RAB36: variants seen among roughly 807,000 people sequenced by gnomAD.
RAB36 encodes ras-related protein Rab-36.
Under a neutral mutation model 39.3 loss-of-function variants are expected in RAB36, and 33 were observed. The ratio of observed to expected loss-of-function variants is 0.84; its 90% CI spans 0.64 to 1.12. The LOEUF is 1.12. RAB36 is among the 50% of genes most tolerant of loss of function. The pLI is 0.00. For synonymous variants in RAB36, 133 were observed against 140.2 expected, an observed-to-expected ratio of 0.95 and a Z score of 0.36; for missense variants, 308 against 355.3, an observed-to-expected ratio of 0.87 and a Z score of 1.07.
chr22:23,156,158 AAC>A (rs534318927), intron 6 of RAB36, 126 bp downstream of exon 6: 198 of 790,624 alleles, frequency 2.5e-4, no homozygotes, highest in Non-Finnish European at 3.3e-4. Context: ...CCACTGAGAA[AAC>A]ACCAGGCCAC....
chr22:23,147,477 T>C (rs1220921660), intron 2 of RAB36, among the ~76,000 whole-genome samples: 1 of 152,066 alleles, frequency 6.6e-6, no homozygotes, highest in Non-Finnish European at 1.5e-5. Context: ...ACCACAGGCA[T>C]GTGCTACCAT....
intron 3 of RAB36, among the ~76,000 whole-genome samples, chr22:23,152,100 G>A (rs16998059): frequency 0.013 from 1,957 of 152,308 alleles, 32 homozygotes; most frequent in African/African-American, 0.044. Flanking sequence ...CACAGCTCCC[G>A]GACAGCACAG....
chr22:23,152,396 G>T (rs1235576788), intron 3 of RAB36, 65 bp from the exon 4 acceptor site: 2 of 1,531,970 alleles, frequency 1.3e-6, no homozygotes, highest in African/African-American at 2.7e-5. Context: ...GAAGGAAGGG[G>T]CTGTGAGTGT....
chr22:23,152,773 C>T (rs952042593), intron 4 of RAB36, among the ~76,000 whole-genome samples: 1 of 152,190 alleles, frequency 6.6e-6, no homozygotes, highest in Non-Finnish European at 1.5e-5. Context: ...GCCACGGGCT[C>T]TCCCCTCCAC....
Position 23,158,879 on chromosome 22 carries a change from C to T in RAB36, c.447-19C>T. 6.2e-7 allele frequency: 1 copy of T among 1,610,852 alleles called. No homozygotes were observed. On this transcript the variant is annotated intron_variant, in intron 7 of 10. Coordinates refer to ENST00000263116, the MANE Select transcript of RAB36 (RefSeq NM_004914.5). ...TGGGAGGATGGGTGAATCTCTCAGCCTCTCTCCTTACACTCCAGGCAGTGG... is the reference window on the plus strand; with the variant it reads ...TGGGAGGATGGGTGAATCTCTCAGCTTCTCTCCTTACACTCCAGGCAGTGG...
chr22:23,157,165 C>G (rs559198178), intron 6 of RAB36, among the ~76,000 whole-genome samples: 38 of 152,278 alleles, frequency 2.5e-4, no homozygotes, highest in Middle Eastern at 3.4e-3. Flanking sequence ...CCTGGCTCCC[C>G]GGAAGTTGTT....
chr22:23,153,010 G>C (rs1294022893), intron 4 of RAB36, 23 bp from the exon 5 acceptor site: 1 of 1,573,034 alleles, frequency 6.4e-7, no homozygotes, highest in African/African-American at 1.4e-5. Context: ...ACACCCCTGT[G>C]ACGACTTCCT....
intron 9 of RAB36, among the ~76,000 whole-genome samples, chr22:23,159,845 C>A (rs1192384400): frequency 6.6e-6 from 1 of 152,248 alleles, no homozygotes; most frequent in Non-Finnish European, 1.5e-5. Context: ...GGGTCCCCAG[C>A]CCAAGGCAAG....
chr22:23,157,968 T>G (rs1338823132), intron 6 of RAB36, 24 bp from the exon 7 acceptor site: 1 of 1,614,146 alleles, frequency 6.2e-7, no homozygotes. Context: ...ACTGATTGGC[T>G]GTTGGCTTTT....
At chr22:23,161,389 C>A in intron 10 of RAB36, 111 bp from the exon 11 acceptor site, 1 of 995,204 alleles carries the variant, frequency 1.0e-6, no homozygotes, top group Non-Finnish European at 1.5e-6. Flanking sequence ...CCTTGAACAG[C>A]AGGCCCAGAA....
intron 6 of RAB36, among the ~76,000 whole-genome samples, chr22:23,157,099 C>T (rs1445265576): frequency 1.3e-5 from 2 of 152,272 alleles, no homozygotes; most frequent in African/African-American, 4.8e-5. Context: ...GACCGGGGTG[C>T]GGCCAGTGAT....
rs1001265058 is a variant in RAB36 at position 23,164,407 on chromosome 22, A to T, written c.*2843A>T. The T allele has an allele frequency of 6.6e-6, 1 of 152,176 alleles. No homozygotes were observed. The highest frequency in any genetic ancestry group is 1.5e-5 in the Non-Finnish European group (1 of 68,038). 9.4% of individuals were successfully genotyped at this position (152,176 alleles called of 1,614,324 possible). ...GACTGACATAGTTGTGGCCTCTCGA[A>T]CTTTGATATTTGGCCTGGGAGGACA... On this transcript the variant is annotated 3_prime_UTR_variant, in exon 11 of 11. Coordinates refer to ENST00000263116, the MANE Select transcript of RAB36 (RefSeq NM_004914.5).
chr22:23,146,357 C>T (rs2070769299), intron 1 of RAB36, among the ~76,000 whole-genome samples: 1 of 151,498 alleles, frequency 6.6e-6, no homozygotes, highest in Admixed American at 6.6e-5. Flanking sequence ...CAGGCACAGG[C>T]CACCATGCCC....
chr22:23,145,416 A>G, upstream of RAB36: 1 of 1,610,436 alleles, frequency 6.2e-7, no homozygotes, highest in Non-Finnish European at 8.5e-7. Context: ...CTGCCAGTCC[A>G]ACGCAGACCC....
chr22:23,168,292 G>A (rs766846012), downstream of RAB36, among the ~76,000 whole-genome samples: 16 of 152,176 alleles, frequency 1.1e-4, no homozygotes, highest in Non-Finnish European at 1.9e-4. Flanking sequence ...CTGGGCCCCC[G>A]GGGATGCTGA....
intron 6 of RAB36, among the ~76,000 whole-genome samples, chr22:23,157,725 A>C (rs1257541832): frequency 6.6e-6 from 1 of 152,188 alleles, no homozygotes. Context: ...TCTGACGCTA[A>C]AGCCCATGCG....
downstream of RAB36, among the ~76,000 whole-genome samples, chr22:23,168,934 C>T (rs1188195316): frequency 6.6e-6 from 1 of 152,208 alleles, no homozygotes; most frequent in Non-Finnish European, 1.5e-5. Flanking sequence ...CACTAGGCCT[C>T]TGCTCACTGG....
At chr22:23,147,049 A>G (rs2070816759) in intron 2 of RAB36, among the ~76,000 whole-genome samples, 1 of 152,192 alleles carries the variant, frequency 6.6e-6, no homozygotes, top group Non-Finnish European at 1.5e-5. Context: ...TGCCTGGCTC[A>G]TGGTATGCAG....
In RAB36 at chr22:23,162,885, A is replaced by G. The variant is rs2071889022; in HGVS notation, c.*1321A>G. 2 of 341,948 alleles carry G rather than the reference A, an allele frequency of 5.8e-6. No individual in the cohort carries two copies. The highest frequency in any genetic ancestry group is 1.2e-5 in the Non-Finnish European group (2 of 171,216). The allele number at this position is 341,948 out of a possible 1,614,324, so 21.2% of individuals were successfully genotyped here. ...TTTTTCTATTCATTCCCCCTTCAAC[A>G]TATTTTTTGTAGTTTTTTATATAAA... On this transcript the variant is annotated 3_prime_UTR_variant, in exon 11 of 11. Transcript: ENST00000263116.
Sources: gnomAD v4.1 joint callset for allele counts (sites outside exome capture counted in the v4.1 genomes callset) on GRCh38, gnomAD v4.1.1 for gene constraint, MANE v1.5 for transcripts, NCBI Gene and HGNC (gene_info 2026-07-23, HGNC 2026-07-21) for gene names.